MYO16: variants seen among roughly 807,000 people sequenced by gnomAD.
MYO16 encodes the protein myosin XVI.
In MYO16, 94 loss-of-function variants were observed where a neutral mutation model predicts 205.3. That is an observed-to-expected ratio of 0.46 (90% confidence interval 0.39 to 0.54). The LOEUF (loss-of-function observed/expected upper bound fraction) is 0.54. MYO16 is among the 20% of genes least tolerant of loss of function. The pLI is 0.00. For synonymous variants in MYO16, 988 were observed against 954.0 expected (o/e 1.04, Z -0.66); for missense variants, 2,315 against 2,387.5 (o/e 0.97, Z 0.63).
Position 109,054,094 on chromosome 13 carries a change from G to A in MYO16, c.3049-952G>A, listed in dbSNP as rs77628712. On this transcript the variant is annotated intron_variant, in intron 25 of 34. Transcript: ENST00000457511. ...ATAATTTTGTGAAATGTAATAGTAG[G>A]TTAGTGGCTGAGGTTCCTTTTAACC... Among the ~76,000 whole-genome samples, 690 of 152,112 alleles carry A rather than the reference G, an allele frequency of 4.5e-3. 3 individuals carry two copies. The highest frequency in any genetic ancestry group is 6.8e-3 in the Admixed American group (103 of 15,250).
intron 23 of MYO16, among the ~76,000 whole-genome samples, chr13:109,034,756 G>T (rs1886659370): frequency 6.6e-6 from 1 of 151,992 alleles, no homozygotes; most frequent in East Asian, 1.9e-4. Context: ...TTTGATATTA[G>T]CCATATCAAA....
At chr13:108,517,033 C>T in the MYO16 span, among the ~76,000 whole-genome samples, 4 of 152,074 alleles carry the variant, frequency 2.6e-5, no homozygotes, top group African/African-American at 2.4e-5. Flanking sequence ...TGGGTTCAAG[C>T]GGTCCTCCCA....
rs528698953 is a variant in MYO16, at chr13:108,679,692, T to G, written c.292+13543T>G. On this transcript the variant is annotated intron_variant, in intron 2 of 34. Coordinates refer to ENST00000457511, the MANE Select transcript of MYO16 (RefSeq NM_001198950.3). ...TCTCTCTAATGAAGATAATCCTAAA[T>G]GTACTGTTCTTGGTTCTGCAAAAAA... Among the ~76,000 whole-genome samples the G allele has an allele frequency of 3.9e-4, 57 of 147,186 alleles. No homozygotes were observed. In the East Asian group the frequency reaches 0.01, roughly 26 times the overall value.
intron 1 of MYO16, among the ~76,000 whole-genome samples, chr13:108,658,283 T>G (rs1409948158): frequency 6.6e-6 from 1 of 152,190 alleles, no homozygotes; most frequent in Non-Finnish European, 1.5e-5. Context: ...TTTCCACTTC[T>G]TCTTGAGTCA....
intron 17 of MYO16, among the ~76,000 whole-genome samples, chr13:108,958,952 A>G (rs1486605059): frequency 6.6e-6 from 1 of 152,122 alleles, no homozygotes; most frequent in African/African-American, 2.4e-5. Context: ...AATCTCTTCT[A>G]TTTATTTTTC....
intron 9 of MYO16, among the ~76,000 whole-genome samples, chr13:108,823,815 CTGAAGAAT>C: frequency 6.6e-6 from 1 of 152,146 alleles, no homozygotes; most frequent in Non-Finnish European, 1.5e-5. Context: ...GTTAAATTTA[CTGAAGAAT>C]AAGTGTTCAT....
chr13:109,207,478 T>C lies in MYO16; in HGVS notation c.*642T>C, dbSNP rs1880652431. ...AAATCTTGAAACTACATTGTTGTTT[T>C]AGCTTCGCCAGTGTCACCCCTTGCA... On this transcript the variant is annotated 3_prime_UTR_variant, in exon 35 of 35. Coordinates refer to ENST00000457511, the MANE Select transcript of MYO16 (RefSeq NM_001198950.3). The C allele has an allele frequency of 6.6e-6, 1 of 152,198 alleles. No individual in the cohort carries two copies. 9.4% of individuals were successfully genotyped at this position (152,198 alleles called of 1,614,324 possible). A position where few individuals can be genotyped will look rare whatever the true frequency, so the allele number is the denominator to read the frequency against.
chr13:108,833,551 T>C (rs1876734537), intron 9 of MYO16, among the ~76,000 whole-genome samples: 1 of 152,202 alleles, frequency 6.6e-6, no homozygotes, highest in South Asian at 2.1e-4. Context: ...TTGTTGTTGT[T>C]GTCCTCATGT....
intron 9 of MYO16, among the ~76,000 whole-genome samples, chr13:108,842,239 T>A (rs1877280878): frequency 6.6e-6 from 1 of 152,216 alleles, no homozygotes; most frequent in South Asian, 2.1e-4. Context: ...ATAAGGCTTC[T>A]GCACAGCAAA....
intron 4 of MYO16, among the ~76,000 whole-genome samples, chr13:108,739,495 C>A (rs1884825777): frequency 6.6e-6 from 1 of 152,302 alleles, no homozygotes; most frequent in South Asian, 2.1e-4. Flanking sequence ...AGAGTTTCTG[C>A]CGAGAGATGT....
rs747299083 is a variant in MYO16 at position 109,141,382 on chromosome 13, C to T, written c.5164+6C>T. 1 of 1,486,568 alleles carries T rather than the reference C, an allele frequency of 6.7e-7. No individual in the cohort carries two copies. The highest frequency in any genetic ancestry group is 9.0e-7 in the Non-Finnish European group (1 of 1,116,222). 92.1% of individuals were successfully genotyped at this position (1,486,568 alleles called of 1,614,324 possible). On this transcript the variant is annotated splice_donor_region_variant and intron_variant, in intron 32 of 34. Transcript: ENST00000457511. This position sits in a 1 kb window ranked among gnomAD's most constrained non-coding sequence, Gnocchi z 4.1. ...AAAAATCAGGGAAGCAGAAGGTAAG[C>T]GGAGCAGACATCCCCCCACTCCTTT...
chr13:109,140,168 C>T lies in MYO16; in HGVS notation c.4052-96C>T, dbSNP rs1876972638. ...GCCCGGTCCCTTGGGATTCTCGGGG[C>T]ACGGGGCCGTGGCTCCCTCCGAGTC... On this transcript the variant is annotated intron_variant, in intron 31 of 34. Transcript: ENST00000457511. This position sits in a 1 kb window ranked among gnomAD's most constrained non-coding sequence, Gnocchi z 8.0. 6.6e-7 allele frequency: 1 copy of T among 1,523,852 alleles called. No homozygotes were observed. The highest frequency in any genetic ancestry group is 8.7e-7 in the Non-Finnish European group (1 of 1,146,808). The allele number at this position is 1,523,852 out of a possible 1,614,324, so 94.4% of individuals were successfully genotyped here.
At chr13:108,504,027 A>G in the MYO16 span, among the ~76,000 whole-genome samples, 2 of 152,154 alleles carry the variant, frequency 1.3e-5, no homozygotes, top group Admixed American at 6.5e-5. Flanking sequence ...AACACAACAA[A>G]ATGTATCATT....
chr13:108,960,119 T>C (rs1275819333), intron 17 of MYO16, among the ~76,000 whole-genome samples: 3 of 151,852 alleles, frequency 2.0e-5, no homozygotes, highest in African/African-American at 7.3e-5. Context: ...ACAATTTTTT[T>C]CAAAAACATT....
chr13:108,848,922 T>C (rs908168154), intron 10 of MYO16, among the ~76,000 whole-genome samples: 3 of 152,156 alleles, frequency 2.0e-5, no homozygotes, highest in African/African-American at 4.8e-5. Flanking sequence ...CCGCTAAAAC[T>C]TTCTTCCTGT....
intron 19 of MYO16, 30 bp from the exon 20 acceptor site, chr13:108,964,731 T>G: frequency 6.2e-7 from 1 of 1,610,956 alleles, no homozygotes; most frequent in Non-Finnish European, 8.5e-7. Context: ...ACCCTTGTGC[T>G]CACTCCTCCT....
the MYO16 span, among the ~76,000 whole-genome samples, chr13:108,505,229 C>T: frequency 1.3e-5 from 2 of 152,262 alleles, no homozygotes; most frequent in South Asian, 2.1e-4. Flanking sequence ...TTGAGGAACC[C>T]CTAAACTGTT....
At chr13:108,554,948 C>T in the MYO16 span, among the ~76,000 whole-genome samples, 24 of 149,774 alleles carry the variant, frequency 1.6e-4, no homozygotes, top group African/African-American at 4.4e-4. Flanking sequence ...TGGATATAAT[C>T]TAACCAATGC....
intron 2 of MYO16, among the ~76,000 whole-genome samples, chr13:108,710,676 T>C (rs1317889633): frequency 6.6e-6 from 1 of 152,190 alleles, no homozygotes; most frequent in Non-Finnish European, 1.5e-5. Flanking sequence ...CCAGGTCTCA[T>C]GCTGAAACCT....
Sources: allele counts gnomAD v4.1 joint callset (sites outside exome capture counted in the v4.1 genomes callset), GRCh38; gene constraint gnomAD v4.1.1; non-coding constraint Gnocchi (gnomAD v3.1); transcripts MANE v1.5; gene names NCBI Gene and HGNC (gene_info 2026-07-23, HGNC 2026-07-21).